The following NFIB variants were observed in gnomAD, a reference collection of about 807,000 sequenced individuals.
NFIB encodes nuclear factor I B.
In NFIB, 11 loss-of-function variants were observed where a neutral mutation model predicts 61.5. That is an observed-to-expected ratio of 0.18 (90% confidence interval 0.11 to 0.30). NFIB has a LOEUF of 0.30. Ranked by LOEUF, NFIB falls within the 10% of genes least tolerant of loss-of-function variation. The pLI, the probability that NFIB is intolerant of heterozygous loss-of-function variation, is 1.00. For synonymous variants in NFIB, 260 were observed against 216.5 expected, an observed-to-expected ratio of 1.20 and a Z score of -1.76; for missense variants, 471 against 608.9, an observed-to-expected ratio of 0.77 and a Z score of 2.38.
chr9:14,402,265 A>C (rs2061750128), upstream of NFIB, among the ~76,000 whole-genome samples: 1 of 152,244 alleles, frequency 6.6e-6, no homozygotes, highest in Non-Finnish European at 1.5e-5. Context: ...AGGCAGAGGC[A>C]AACTAGTGCA....
At chr9:14,531,555 G>A in the NFIB span, among the ~76,000 whole-genome samples, 4 of 152,206 alleles carry the variant, frequency 2.6e-5, no homozygotes, top group Admixed American at 2.0e-4. Context: ...GCAGAAAGAA[G>A]TACATTACTC....
At chr9:14,243,271 G>C (rs570085798) in intron 2 of NFIB, among the ~76,000 whole-genome samples, 1 of 152,168 alleles carries the variant, frequency 6.6e-6, no homozygotes, top group East Asian at 1.9e-4. Flanking sequence ...GTGGAAAAAA[G>C]ATAACTAATT....
chr9:14,152,239 C>T (rs1156680660), intron 4 of NFIB, among the ~76,000 whole-genome samples: 1 of 152,072 alleles, frequency 6.6e-6, no homozygotes, highest in Non-Finnish European at 1.5e-5. Flanking sequence ...TACACTGTAA[C>T]ATCCTTTACA....
Position 14,216,544 on chromosome 9 carries a change from C to CTGTG in NFIB, c.563-36765_563-36764insCACA, listed in dbSNP as rs1563911463. On this transcript the variant is annotated intron_variant, in intron 2 of 10. Coordinates refer to ENST00000380953, the MANE Select transcript of NFIB (RefSeq NM_001190737.2). ...TCTCTCTCTCTCTCTCTCTCTCTCC[C>CTGTG]TCTGTGTGTGTGTGTGTGTGTGTGT... Among the ~76,000 whole-genome samples the CTGTG allele has an allele frequency of 5.3e-3, 68 of 12,914 alleles. 2 individuals carry two copies. The highest frequency in any genetic ancestry group is 0.015 in the East Asian group (39 of 2,580). The allele number at this position is 12,914 out of a possible 152,430, so 8.5% of individuals were successfully genotyped here.
In NFIB at chr9:14,087,023, T is replaced by G. The variant is rs2032961150; in HGVS notation, c.*1286A>C. 4.9e-6 allele frequency: 1 copy of G among 204,544 alleles called. No individual in the cohort carries two copies. The highest frequency in any genetic ancestry group is 2.3e-5 in the African/African-American group (1 of 43,724). 12.7% of individuals were successfully genotyped at this position (204,544 alleles called of 1,614,324 possible). A position where few individuals can be genotyped will look rare whatever the true frequency, so the allele number is the denominator to read the frequency against. On this transcript the variant is annotated 3_prime_UTR_variant, in exon 11 of 11. Transcript: ENST00000380953. ...CAGCACCCTGATTACATTTGTTTTC[T>G]CAAGAGTGCGTTTTTATATCCTACA...
At chr9:14,223,319 G>A (rs923116485) in intron 2 of NFIB, among the ~76,000 whole-genome samples, 16 of 152,204 alleles carry the variant, frequency 1.1e-4, no homozygotes, top group African/African-American at 3.1e-4. Flanking sequence ...CCTTGTCCTC[G>A]CCTTACTGAT....
intron 2 of NFIB, among the ~76,000 whole-genome samples, chr9:14,205,574 G>C (rs1056500828): frequency 6.6e-6 from 1 of 152,070 alleles, no homozygotes; most frequent in African/African-American, 2.4e-5. Flanking sequence ...TGTTCCGCAA[G>C]TTTAAGCTCA....
In NFIB at chr9:14,276,001, G is replaced by T. The variant is rs1041322029; in HGVS notation, c.562+30988C>A. 2.0e-5 allele frequency among the ~76,000 whole-genome samples: 3 copies of T among 152,014 alleles called. No homozygotes were observed. The East Asian group carries it at 5.8e-4, about 29-fold the overall frequency. ...ATGAAGAGTCTCTCAAGCATATATG[G>T]ATAGCTTGACAAATTACCAATTTAT... On this transcript the variant is annotated intron_variant, in intron 2 of 10. Coordinates refer to ENST00000380953, the MANE Select transcript of NFIB (RefSeq NM_001190737.2).
At chr9:14,233,087 C>T (rs1285648692) in intron 2 of NFIB, among the ~76,000 whole-genome samples, 1 of 152,140 alleles carries the variant, frequency 6.6e-6, no homozygotes, top group Non-Finnish European at 1.5e-5. Context: ...AGGCAAAGAA[C>T]AGAAAGTTTA....
chr9:14,238,339 T>G (rs2054009067), intron 2 of NFIB, among the ~76,000 whole-genome samples: 1 of 151,998 alleles, frequency 6.6e-6, no homozygotes, highest in South Asian at 2.1e-4. Flanking sequence ...CCACTAAAAG[T>G]AGGGGCTACA....
intron 6 of NFIB, among the ~76,000 whole-genome samples, chr9:14,143,991 A>AGAGTGTGTGTGTGT (rs1554647267): frequency 7.5e-6 from 1 of 134,150 alleles, no homozygotes; most frequent in Admixed American, 7.8e-5. Context: ...AAAGTGACAG[A>AGAGTGTGTGTGTGT]GTGTGTGTGT....
intron 2 of NFIB, among the ~76,000 whole-genome samples, chr9:14,236,247 C>T (rs1336051981): frequency 6.6e-6 from 1 of 152,146 alleles, no homozygotes; most frequent in Non-Finnish European, 1.5e-5. Context: ...CTGCTTTTGA[C>T]TGTATTTTTC....
chr9:14,419,188 T>A, the NFIB span, among the ~76,000 whole-genome samples: 2 of 149,770 alleles, frequency 1.3e-5, no homozygotes, highest in South Asian at 2.1e-4. Context: ...TTAATTGCTA[T>A]GGAAAAAATC....
At chr9:14,508,027 G>A in the NFIB span, among the ~76,000 whole-genome samples, 1 of 151,068 alleles carries the variant, frequency 6.6e-6, no homozygotes, top group African/African-American at 2.4e-5. Flanking sequence ...CTGAACCTGT[G>A]TCACACAGAA....
the NFIB span, among the ~76,000 whole-genome samples, chr9:14,415,613 G>A: frequency 2.0e-5 from 3 of 152,192 alleles, no homozygotes; most frequent in Non-Finnish European, 2.9e-5. Flanking sequence ...AGCCCAAGAG[G>A]TCTAGAAGTT....
rs1342144824 is a variant in NFIB, at chr9:14,155,907, T to A, written c.617-14A>T. On this transcript the variant is annotated splice_polypyrimidine_tract_variant and intron_variant, in intron 3 of 10. Transcript: ENST00000380953. ...CCTCAAGGTAACCTGAAAATAAATA[T>A]TAAAGGAAAAATGATCAATATAAGC... is the stretch of plus-strand genomic sequence containing the variant. 6.8e-7 allele frequency: 1 copy of A among 1,477,546 alleles called. No homozygotes were observed. The highest frequency in any genetic ancestry group is 9.3e-7 in the Non-Finnish European group (1 of 1,074,396). The allele number at this position is 1,477,546 out of a possible 1,614,324, so 91.5% of individuals were successfully genotyped here. A position where few individuals can be genotyped will look rare whatever the true frequency, so the allele number is the denominator to read the frequency against.
the NFIB span, among the ~76,000 whole-genome samples, chr9:14,502,779 G>C: frequency 6.6e-6 from 1 of 151,952 alleles, no homozygotes; most frequent in Non-Finnish European, 1.5e-5. Flanking sequence ...GTGGTGCTTG[G>C]TTACATGAAT....
intron 2 of NFIB, among the ~76,000 whole-genome samples, chr9:14,243,852 G>A (rs186596963): frequency 5.5e-3 from 839 of 152,268 alleles, no homozygotes; most frequent in African/African-American, 0.011. Flanking sequence ...CCTTGCTGCT[G>A]GAGGGTTTCC....
chr9:14,281,315 T>C (rs185870812), intron 2 of NFIB, among the ~76,000 whole-genome samples: 2 of 152,222 alleles, frequency 1.3e-5, no homozygotes, highest in African/African-American at 2.4e-5. Context: ...CTGCTGAGTC[T>C]GAAGAAAGTG....
Sources: allele counts gnomAD v4.1 joint callset (sites outside exome capture counted in the v4.1 genomes callset), GRCh38; gene constraint gnomAD v4.1.1; transcripts MANE v1.5; gene names NCBI Gene and HGNC (gene_info 2026-07-23, HGNC 2026-07-21).